DDC: variants seen among roughly 807,000 people sequenced by gnomAD.
The protein encoded by DDC is aromatic-L-amino-acid decarboxylase.
A neutral mutation model predicts 60.0 loss-of-function variants in DDC; 43 were observed. That is an observed-to-expected ratio of 0.72 (90% confidence interval 0.56 to 0.92). DDC has a LOEUF of 0.92. Among genes scored for constraint, DDC ranks in the 40% least tolerant of loss-of-function variants. The pLI is 0.00. For missense variants in DDC, 573 were observed against 620.2 expected (o/e 0.92, Z 0.81); for synonymous variants, 232 against 234.6 (o/e 0.99, Z 0.10).
intron 3 of DDC, 87 bp from the exon 4 acceptor site, chr7:50,538,066 A>T (rs2044477897): frequency 6.6e-7 from 1 of 1,508,054 alleles, no homozygotes; most frequent in African/African-American, 1.4e-5. Flanking sequence ...TTAACCTTCC[A>T]CTAAAGCCCA....
At chr7:50,535,288 A>G (rs2044364340) in intron 4 of DDC, among the ~76,000 whole-genome samples, 1 of 151,824 alleles carries the variant, frequency 6.6e-6, no homozygotes, top group Non-Finnish European at 1.5e-5. Flanking sequence ...CTGGGATTAT[A>G]GGTGCCCGCC....
At chr7:50,461,273 C>T (rs1203156730) in intron 14 of DDC, among the ~76,000 whole-genome samples, 1 of 152,104 alleles carries the variant, frequency 6.6e-6, no homozygotes, top group African/African-American at 2.4e-5. Flanking sequence ...TAATTTTCTA[C>T]CCTCTGTAAA....
chr7:50,461,986 A>G (rs2042284148), intron 14 of DDC, among the ~76,000 whole-genome samples: 2 of 152,310 alleles, frequency 1.3e-5, no homozygotes, highest in South Asian at 4.1e-4. Context: ...CATATACCAA[A>G]CATGATTTTC....
rs545469280 is a variant in DDC at position 50,552,696 on chromosome 7, G to A, written c.-28-8583C>T. Among the ~76,000 whole-genome samples the A allele has an allele frequency of 3.9e-5, 6 of 152,292 alleles. No homozygotes were observed. In the South Asian group the frequency reaches 1.2e-3, roughly 32 times the overall value. On this transcript the variant is annotated intron_variant, in intron 1 of 14. Transcript: ENST00000444124. ...TTTTTGCATTTGCAGGACCAGTCAG[G>A]GGCCCTGGACAACAGAGAGCACTGT... is the stretch of plus-strand genomic sequence containing the variant.
At chr7:50,533,358 T>A (rs1208321095) in intron 4 of DDC, among the ~76,000 whole-genome samples, 1 of 151,646 alleles carries the variant, frequency 6.6e-6, no homozygotes, top group Non-Finnish European at 1.5e-5. Context: ...TGCAGTGGCA[T>A]GATCTCAGCT....
rs752474261 is a variant in DDC at position 50,544,007 on chromosome 7, G to A, written c.79C>T (p.Arg27Cys). 36 of 1,614,000 alleles carry A rather than the reference G, an allele frequency of 2.2e-5. No homozygotes were observed. The highest frequency in any genetic ancestry group is 3.3e-5 in the Admixed American group (2 of 59,996). ...GGCTCCACGTCAGGGTAGACCTGGC[G>A]TCCCTCAATGCCTTCCATGTAGTTG... ...MANYMEGIEG[R>C]QVYPDVEPGY... is the part of the protein sequence containing the mutation. Residue 27 changes from arginine (R) to cysteine (C), a missense_variant, in exon 2 of 15, where the codon CGC (arginine) becomes TGC (cysteine). Coordinates refer to ENST00000444124, the MANE Select transcript of DDC (RefSeq NM_001082971.2).
At chr7:50,469,992 A>AT in intron 12 of DDC, 81 bp downstream of exon 12, 1 of 988,426 alleles carries the variant, frequency 1.0e-6, no homozygotes, top group African/African-American at 1.7e-5. Flanking sequence ...AAAAAAAAAA[A>AT]GAAAAAAAAT....
intron 6 of DDC, among the ~76,000 whole-genome samples, chr7:50,510,181 T>G (rs140124108): frequency 0.014 from 2,100 of 152,142 alleles, 50 homozygotes; most frequent in African/African-American, 0.045. Context: ...TTCACCGTGT[T>G]AGCCAGGATG....
chr7:50,468,254 C>T (rs1562981517), intron 12 of DDC, among the ~76,000 whole-genome samples: 1 of 152,210 alleles, frequency 6.6e-6, no homozygotes, highest in Non-Finnish European at 1.5e-5. Flanking sequence ...AGCCGGTTCC[C>T]GCCCAAGGAG....
intron 1 of DDC, among the ~76,000 whole-genome samples, chr7:50,564,651 C>T (rs144905419): frequency 2.0e-5 from 3 of 152,348 alleles, no homozygotes; most frequent in African/African-American, 4.8e-5. Context: ...CCGAACAATT[C>T]TCCCAATAGA....
chr7:50,558,599 C>A (rs2045257732), intron 1 of DDC, among the ~76,000 whole-genome samples: 1 of 152,226 alleles, frequency 6.6e-6, no homozygotes, highest in Admixed American at 6.5e-5. Context: ...TCTCACTGAA[C>A]ACGCTCACAA....
At chr7:50,484,898 T>A (rs2042849957) in intron 9 of DDC, among the ~76,000 whole-genome samples, 2 of 152,152 alleles carry the variant, frequency 1.3e-5, no homozygotes, top group East Asian at 3.8e-4. Context: ...CTGGTCCCAA[T>A]AACATCCATA....
At chr7:50,485,526 C>A (rs11575438) in intron 9 of DDC, among the ~76,000 whole-genome samples, 18,989 of 151,990 alleles carry the variant, frequency 0.12, 1,390 homozygotes, top group African/African-American at 0.21. Flanking sequence ...ATAAAAAATC[C>A]ATTTATATGT....
chr7:50,555,756 T>G (rs1438397204), intron 1 of DDC, among the ~76,000 whole-genome samples: 1 of 152,136 alleles, frequency 6.6e-6, no homozygotes. Flanking sequence ...TTACTCCCTT[T>G]AACAGATGAG....
At chr7:50,506,793 TGCCAACGG>T (rs1397271557) in intron 6 of DDC, among the ~76,000 whole-genome samples, 20 of 152,368 alleles carry the variant, frequency 1.3e-4, no homozygotes, top group Non-Finnish European at 2.6e-4. Flanking sequence ...GTCTATCAGG[TGCCAACGG>T]GCTAACATCT....
At chr7:50,459,210 C>A (rs991703804) in intron 14 of DDC, among the ~76,000 whole-genome samples, 1 of 152,244 alleles carries the variant, frequency 6.6e-6, no homozygotes, top group Non-Finnish European at 1.5e-5. Context: ...CCGCCAGCCT[C>A]GGCCTCCCGA....
chr7:50,533,694 A>G (rs1243923398), intron 4 of DDC, among the ~76,000 whole-genome samples: 2 of 152,342 alleles, frequency 1.3e-5, no homozygotes, highest in Non-Finnish European at 2.9e-5. Context: ...AAATCATGGA[A>G]GAGGTACCCA....
Position 50,495,434 on chromosome 7 carries a change from G to C in DDC, c.877-17C>G. On this transcript the variant is annotated splice_polypyrimidine_tract_variant and intron_variant, in intron 8 of 14. Transcript: ENST00000444124. ...ATCTGCAAACTGCCAAAGAACAAGA[G>C]TAAGAAAAAGAAAACATTTTCTTTA... 6.3e-7 allele frequency: 1 copy of C among 1,579,836 alleles called. No homozygotes were observed. The highest frequency in any genetic ancestry group is 8.7e-7 in the Non-Finnish European group (1 of 1,150,180).
chr7:50,494,674 CT>C (rs376214522), intron 9 of DDC, among the ~76,000 whole-genome samples: 1,994 of 148,510 alleles, frequency 0.013, 44 homozygotes, highest in African/African-American at 0.047. Context: ...TTCGCGAATA[CT>C]TTTTTTTTTG....
Sources: gnomAD v4.1 joint callset for allele counts (sites outside exome capture counted in the v4.1 genomes callset) on GRCh38, gnomAD v4.1.1 for gene constraint, MANE v1.5 for transcripts, NCBI Gene and HGNC (gene_info 2026-07-23, HGNC 2026-07-21) for gene names.